The following THSD4 variants were observed in gnomAD, a reference collection of about 807,000 sequenced individuals.
The protein encoded by THSD4 is thrombospondin type-1 domain-containing protein 4.
Under a neutral mutation model 119.0 loss-of-function variants are expected in THSD4, and 69 were observed. The observed-to-expected ratio is 0.58, with a 90% CI of 0.48 to 0.71. The LOEUF (loss-of-function observed/expected upper bound fraction) is 0.71, where lower values mean the gene tolerates loss of function less well. Ranked by LOEUF, THSD4 falls within the 30% of genes least tolerant of loss-of-function variation. The probability of loss-of-function intolerance (pLI) is 0.00; values close to 1 mark genes in which losing one functional copy is unlikely to be tolerated. For missense variants in THSD4, 1,393 were observed against 1,391.1 expected (o/e 1.00, Z -0.02); for synonymous variants, 524 against 540.4 (o/e 0.97, Z 0.42).
intron 6 of THSD4, among the ~76,000 whole-genome samples, chr15:71,386,530 G>A (rs1272819435): frequency 6.6e-6 from 1 of 152,132 alleles, no homozygotes. Flanking sequence ...ATAAAATACT[G>A]ACACATGTAA....
intron 6 of THSD4, among the ~76,000 whole-genome samples, chr15:71,389,767 C>A (rs1304175125): frequency 6.7e-6 from 1 of 149,710 alleles, no homozygotes; most frequent in African/African-American, 2.5e-5. Flanking sequence ...ATAAGGGTTC[C>A]AATTTATCCA....
chr15:71,330,665 G>A (rs1345846069), intron 6 of THSD4, among the ~76,000 whole-genome samples: 1 of 152,152 alleles, frequency 6.6e-6, no homozygotes, highest in African/African-American at 2.4e-5. Flanking sequence ...AACTGTTAGC[G>A]CTTTCCTTCC....
intron 2 of THSD4, among the ~76,000 whole-genome samples, chr15:71,150,126 G>T (rs17711848): frequency 0.015 from 2,278 of 152,258 alleles, 41 homozygotes; most frequent in Middle Eastern, 0.041. Flanking sequence ...GGCCCTGGTA[G>T]CCTTCAATCT....
intron 4 of THSD4, among the ~76,000 whole-genome samples, chr15:71,231,599 G>T (rs1465059961): frequency 3.3e-5 from 5 of 152,080 alleles, no homozygotes; most frequent in African/African-American, 1.2e-4. Flanking sequence ...ATAAGCCTGT[G>T]GGGTCCTTCT....
At chr15:71,398,474 C>G (rs1350902923) in intron 6 of THSD4, among the ~76,000 whole-genome samples, 1 of 152,096 alleles carries the variant, frequency 6.6e-6, no homozygotes, top group South Asian at 2.1e-4. Context: ...GCTTCTAACA[C>G]AGGCTGATGA....
At chr15:71,639,836 CA>C (rs56797617) in intron 7 of THSD4, among the ~76,000 whole-genome samples, 95,809 of 140,172 alleles carry the variant, frequency 0.68, 33,260 homozygotes, top group Middle Eastern at 0.74. Context: ...TTTTATTTAG[CA>C]AAAAAAAAAA....
rs2053937669 is a variant in THSD4 at position 71,777,555 on chromosome 15, G to A, written c.*181G>A. On this transcript the variant is annotated 3_prime_UTR_variant, in exon 18 of 18. Transcript: ENST00000261862. ...TACCCAGGGGCTTTTTACACAAGAT[G>A]TTTGAAAGCCACAGTCAGTCCTTTA... 2.7e-6 allele frequency: 2 copies of A among 750,024 alleles called. No individual in the cohort carries two copies. The highest frequency in any genetic ancestry group is 4.2e-6 in the Non-Finnish European group (2 of 473,338). The allele number at this position is 750,024 out of a possible 1,614,324, so 46.5% of individuals were successfully genotyped here. A position where few individuals can be genotyped will look rare whatever the true frequency, so the allele number is the denominator to read the frequency against.
chr15:71,717,785 A>G (rs1357757798), intron 8 of THSD4, among the ~76,000 whole-genome samples: 1 of 152,122 alleles, frequency 6.6e-6, no homozygotes, highest in East Asian at 1.9e-4. Context: ...GGCTGCCAGC[A>G]TTACTTGGCA....
intron 1 of THSD4, among the ~76,000 whole-genome samples, chr15:71,120,754 T>C (rs1479583922): frequency 1.3e-5 from 2 of 152,206 alleles, no homozygotes; most frequent in African/African-American, 2.4e-5. Context: ...CAGCTCAGGA[T>C]GGGGATTAAG....
intron 7 of THSD4, among the ~76,000 whole-genome samples, chr15:71,591,046 A>T (rs1403877289): frequency 1.4e-5 from 2 of 146,628 alleles, no homozygotes; most frequent in African/African-American, 2.5e-5. Context: ...AAGTTGAAGA[A>T]AAAAAAGAAT....
chr15:71,690,502 T>C (rs1595866626), intron 8 of THSD4, among the ~76,000 whole-genome samples: 1 of 152,208 alleles, frequency 6.6e-6, no homozygotes, highest in African/African-American at 2.4e-5. Context: ...ATACTCACTA[T>C]GGTAGACAGA....
intron 1 of THSD4, among the ~76,000 whole-genome samples, chr15:71,118,008 C>T (rs527614249): frequency 2.6e-5 from 4 of 151,976 alleles, no homozygotes; most frequent in East Asian, 1.9e-4. Flanking sequence ...CAAGGAGATG[C>T]GAATGAGGGA....
intron 17 of THSD4, among the ~76,000 whole-genome samples, chr15:71,773,881 T>C (rs2053866297): frequency 6.6e-6 from 1 of 152,234 alleles, no homozygotes; most frequent in South Asian, 2.1e-4. Flanking sequence ...TAAATCATCC[T>C]ACAATTGATA....
chr15:71,660,840 C>T (rs993313350), intron 8 of THSD4, 106 bp downstream of exon 8: 1 of 1,250,052 alleles, frequency 8.0e-7, no homozygotes, highest in Non-Finnish European at 1.1e-6. Flanking sequence ...CCGGGGCATG[C>T]AGGCAGTGCC....
intron 7 of THSD4, among the ~76,000 whole-genome samples, chr15:71,542,441 A>T (rs2048771598): frequency 6.6e-6 from 1 of 152,200 alleles, no homozygotes; most frequent in South Asian, 2.1e-4. Flanking sequence ...CCTGAACCAC[A>T]TGGTCAAGGT....
chr15:71,765,174 A>G lies in THSD4; in HGVS notation c.2744A>G (p.Lys915Arg), dbSNP rs1471341510. 6.2e-7 allele frequency: 1 copy of G among 1,614,126 alleles called. No homozygotes were observed. The highest frequency in any genetic ancestry group is 1.1e-5 in the South Asian group (1 of 91,078). Residue 915 changes from lysine to arginine, a missense_variant, in exon 16 of 18, where the codon AAA (lysine) becomes AGA (arginine). Physicochemically the swap from Lys to Arg is conservative, Grantham distance 26. Transcript: ENST00000261862. ...TGCCACCTCAAGCCTTGCGGAGCCA[A>G]ATGGTTTAGCACCGAATGGAGCATG... ...QSCHLKPCGA[K>R]WFSTEWSMCS...
intron 6 of THSD4, among the ~76,000 whole-genome samples, chr15:71,285,515 C>T (rs1428476281): frequency 6.6e-6 from 1 of 152,186 alleles, no homozygotes; most frequent in Non-Finnish European, 1.5e-5. Context: ...CTAAGTACTT[C>T]ACTAATTGTT....
intron 7 of THSD4, among the ~76,000 whole-genome samples, chr15:71,541,746 T>C (rs548059843): frequency 1.1e-4 from 16 of 152,286 alleles, no homozygotes; most frequent in Non-Finnish European, 2.1e-4. Context: ...TATGAACAAT[T>C]TGGGCTAAGT....
intron 7 of THSD4, among the ~76,000 whole-genome samples, chr15:71,639,198 G>C (rs147317802): frequency 2.0e-5 from 3 of 152,138 alleles, no homozygotes; most frequent in African/African-American, 7.2e-5. Flanking sequence ...ATCAATAATG[G>C]CTAACAGAAA....
Sources: allele counts gnomAD v4.1 joint callset (sites outside exome capture counted in the v4.1 genomes callset), GRCh38; gene constraint gnomAD v4.1.1; transcripts MANE v1.5; gene names NCBI Gene and HGNC (gene_info 2026-07-23, HGNC 2026-07-21).